Variants in LYPD6B observed in about 807,000 individuals in gnomAD.
LYPD6B encodes LY6/PLAUR domain containing 6B.
A neutral mutation model predicts 22.8 loss-of-function variants in LYPD6B; 17 were observed. The ratio of observed to expected loss-of-function variants is 0.75; its 90% CI spans 0.51 to 1.12. The LOEUF (loss-of-function observed/expected upper bound fraction) is 1.12. Ranked by LOEUF, LYPD6B falls within the 50% of genes most tolerant of loss-of-function variation. The pLI, the probability that LYPD6B is intolerant of heterozygous loss-of-function variation, is 0.00. For synonymous variants in LYPD6B, 106 were observed against 91.6 expected (o/e 1.16, Z -0.90); for missense variants, 221 against 258.3 (o/e 0.86, Z 0.99).
intron 2 of LYPD6B, among the ~76,000 whole-genome samples, chr2:149,140,878 A>G (rs1285669649): frequency 6.6e-6 from 1 of 152,204 alleles, no homozygotes. Context: ...AGGAAGCTGC[A>G]GTTTGCAAAA....
At chr2:149,122,602 A>T (rs1204701597) in intron 1 of LYPD6B, among the ~76,000 whole-genome samples, 1 of 106,940 alleles carries the variant, frequency 9.4e-6, no homozygotes. Flanking sequence ...CTGGTGTGTG[A>T]TGTCCCCCAC....
intron 1 of LYPD6B, among the ~76,000 whole-genome samples, chr2:149,040,366 C>G (rs537524551): frequency 3.9e-5 from 6 of 152,140 alleles, no homozygotes; most frequent in African/African-American, 1.4e-4. Context: ...GCTGGAGTTA[C>G]AGGCGCCGGC....
intron 1 of LYPD6B, among the ~76,000 whole-genome samples, chr2:149,116,753 A>C (rs1449513545): frequency 6.6e-6 from 1 of 152,190 alleles, no homozygotes; most frequent in Non-Finnish European, 1.5e-5. Flanking sequence ...TGACAATAGG[A>C]AGAGAAATTG....
In LYPD6B at chr2:149,110,712, CTG is replaced by C. The variant is rs1574984223; in HGVS notation, c.-66-20169_-66-20168del. On this transcript the variant is annotated intron_variant, in intron 1 of 6. Transcript: ENST00000409642. ...GAGATGTGTTTCGTTTATTCAATGACTGTTTTTTGAATATGGACAATGTGAAA... is the reference window on the plus strand; with the variant it reads ...GAGATGTGTTTCGTTTATTCAATGACTTTTTTGAATATGGACAATGTGAAA... Among the ~76,000 whole-genome samples, 3 of 152,236 alleles carry C rather than the reference CTG, an allele frequency of 2.0e-5. No individual in the cohort carries two copies. In the East Asian group the frequency reaches 5.8e-4, roughly 29 times the overall value.
At chr2:149,183,851 G>T (rs1691915328) in intron 3 of LYPD6B, among the ~76,000 whole-genome samples, 1 of 138,824 alleles carries the variant, frequency 7.2e-6, no homozygotes, top group African/African-American at 2.5e-5. Context: ...ATGTGTATGT[G>T]TGTGTGTGTG....
At chr2:149,100,416 CAAAAAAAAA>C (rs58068035) in intron 1 of LYPD6B, among the ~76,000 whole-genome samples, 1 of 67,964 alleles carries the variant, frequency 1.5e-5, no homozygotes, top group Non-Finnish European at 2.6e-5. Context: ...TTGGCTTTGA[CAAAAAAAAA>C]AAAAAAAAAA....
At position 149,106,993 on chromosome 2, in the gene LYPD6B, A is replaced by G. The variant is rs78184461; in HGVS notation, c.-66-23890A>G. Among the ~76,000 whole-genome samples the G allele has an allele frequency of 2.4e-3, 361 of 152,238 alleles. 3 individuals are homozygous for G. The East Asian group carries it at 0.035, about 15-fold the overall frequency. ...AACCATGGATAGTGCGGAACCCTAT[A>G]TACACTATGTTTTTCATTATACATA... is the stretch of plus-strand genomic sequence containing the variant. On this transcript the variant is annotated intron_variant, in intron 1 of 6. Coordinates refer to ENST00000409642, the MANE Select transcript of LYPD6B (RefSeq NM_177964.5).
chr2:149,094,717 C>A (rs184156054), intron 1 of LYPD6B, among the ~76,000 whole-genome samples: 41 of 152,288 alleles, frequency 2.7e-4, no homozygotes, highest in African/African-American at 9.1e-4. Flanking sequence ...GCACCATTAG[C>A]ATTCCCAAAT....
chr2:149,064,842 G>A (rs1030752984), intron 1 of LYPD6B, among the ~76,000 whole-genome samples: 10 of 152,186 alleles, frequency 6.6e-5, no homozygotes, highest in Non-Finnish European at 7.4e-5. Context: ...GAACGTGGAG[G>A]CCTCTCAGCC....
intron 1 of LYPD6B, among the ~76,000 whole-genome samples, chr2:149,125,408 G>A (rs1473341438): frequency 2.6e-5 from 4 of 152,158 alleles, no homozygotes; most frequent in South Asian, 4.1e-4. Context: ...CTTCCACCCA[G>A]GGAAGCCACC....
chr2:149,137,692 A>G (rs2105747630), intron 2 of LYPD6B, among the ~76,000 whole-genome samples: 1 of 152,304 alleles, frequency 6.6e-6, no homozygotes, highest in East Asian at 1.9e-4. Flanking sequence ...TTTTGTTAGT[A>G]GACATTTAGA....
In LYPD6B at chr2:149,177,863, A is replaced by C. The variant is rs142012529; in HGVS notation, c.77+17028A>C. 5.3e-3 allele frequency among the ~76,000 whole-genome samples: 746 copies of C among 140,750 alleles called. 7 individuals carry two copies. The highest frequency in any genetic ancestry group is 0.018 in the African/African-American group (692 of 38,108). 92.3% of individuals were successfully genotyped at this position (140,750 alleles called of 152,430 possible). On this transcript the variant is annotated intron_variant, in intron 3 of 6. Coordinates refer to ENST00000409642, the MANE Select transcript of LYPD6B (RefSeq NM_177964.5). ...TTTTTTTTTTTTTTTTGTACTATTG[A>C]AAGTGAATAGAACTGGAAGTAAGGT...
At chr2:149,070,925 A>C (rs1006238463) in intron 1 of LYPD6B, among the ~76,000 whole-genome samples, 6 of 152,244 alleles carry the variant, frequency 3.9e-5, no homozygotes, top group Non-Finnish European at 1.5e-5. Flanking sequence ...ATGACAGAGC[A>C]TATTCGCCGT....
chr2:149,125,664 T>G (rs1041431074), intron 1 of LYPD6B, among the ~76,000 whole-genome samples: 4 of 152,186 alleles, frequency 2.6e-5, no homozygotes, highest in Non-Finnish European at 5.9e-5. Flanking sequence ...TCGAGTACCT[T>G]AACTCCAATC....
chr2:149,076,681 G>C (rs1202316935), intron 1 of LYPD6B, among the ~76,000 whole-genome samples: 1 of 152,096 alleles, frequency 6.6e-6, no homozygotes, highest in Non-Finnish European at 1.5e-5. Context: ...TGTTAATGCT[G>C]GTTGTGTATA....
intron 3 of LYPD6B, among the ~76,000 whole-genome samples, chr2:149,177,182 C>T (rs943372525): frequency 6.6e-6 from 1 of 152,186 alleles, no homozygotes; most frequent in Admixed American, 6.5e-5. Flanking sequence ...CCCCCAAACA[C>T]GTGAACTGGG....
At chr2:149,147,911 T>C (rs2105808872) in intron 2 of LYPD6B, among the ~76,000 whole-genome samples, 1 of 150,210 alleles carries the variant, frequency 6.7e-6, no homozygotes, top group Admixed American at 6.6e-5. Context: ...TGGGCCTGTG[T>C]GTGTGTGTGT....
intron 3 of LYPD6B, among the ~76,000 whole-genome samples, chr2:149,174,967 T>C (rs1013149200): frequency 1.3e-5 from 2 of 151,684 alleles, no homozygotes; most frequent in Non-Finnish European, 2.9e-5. Context: ...AAAAAATTTA[T>C]AGTCTAGTGA....
intron 1 of LYPD6B, among the ~76,000 whole-genome samples, chr2:149,080,764 C>T (rs1279388647): frequency 6.8e-6 from 1 of 146,624 alleles, no homozygotes; most frequent in African/African-American, 2.5e-5. Context: ...ATGGCTTGAA[C>T]CTGGGAGGTG....
Sources: allele counts gnomAD v4.1 joint callset (sites outside exome capture counted in the v4.1 genomes callset), GRCh38; gene constraint gnomAD v4.1.1; transcripts MANE v1.5; gene names NCBI Gene and HGNC (gene_info 2026-07-23, HGNC 2026-07-21).